The following DRGX variants were observed in gnomAD, a reference collection of about 807,000 sequenced individuals.
The protein encoded by DRGX is dorsal root ganglia homeobox, also known as dorsal root ganglia homeobox protein.
Under a neutral mutation model 28.6 loss-of-function variants are expected in DRGX, and 21 were observed. That is an observed-to-expected ratio of 0.73 (90% CI 0.52 to 1.06). The LOEUF is 1.06. DRGX is among the 50% of genes least tolerant of loss of function. The probability of loss-of-function intolerance (pLI) is 0.00; values close to 1 mark genes in which losing one functional copy is unlikely to be tolerated. For missense variants in DRGX, 354 were observed against 343.9 expected (o/e 1.03, Z -0.23); for synonymous variants, 136 against 139.1 (o/e 0.98, Z 0.16).
intron 6 of DRGX, among the ~76,000 whole-genome samples, chr10:49,378,171 T>C (rs1849735675): frequency 6.6e-6 from 1 of 152,140 alleles, no homozygotes; most frequent in Admixed American, 6.5e-5. Context: ...TCATTAATAT[T>C]AGTAATTTTT....
chr10:49,395,265 TC>T, intron 2 of DRGX, 141 bp downstream of exon 2: 2 of 992,176 alleles, frequency 2.0e-6, no homozygotes, highest in Non-Finnish European at 3.0e-6. Flanking sequence ...TAGGGAGGGG[TC>T]CAGGGAGGCC....
At chr10:49,385,573 C>CTG (rs146513497) in intron 6 of DRGX, among the ~76,000 whole-genome samples, 214 of 151,032 alleles carry the variant, frequency 1.4e-3, no homozygotes, top group African/African-American at 4.0e-3. Context: ...GATTGCCACA[C>CTG]TGTGTGTGTG....
At chr10:49,367,228 T>C (rs1247725153) in intron 6 of DRGX, among the ~76,000 whole-genome samples, 1 of 152,040 alleles carries the variant, frequency 6.6e-6, no homozygotes, top group East Asian at 1.9e-4. Context: ...CCAGGCATCA[T>C]GGTATGTGCC....
intron 1 of DRGX, 60 bp from the exon 2 acceptor site, chr10:49,395,581 C>T: frequency 3.0e-6 from 3 of 1,005,998 alleles, no homozygotes; most frequent in Non-Finnish European, 4.4e-6. Flanking sequence ...CCGCCCAGCC[C>T]TAGGGCGCAC....
At chr10:49,377,813 A>T (rs1330919430) in intron 6 of DRGX, among the ~76,000 whole-genome samples, 1 of 152,366 alleles carries the variant, frequency 6.6e-6, no homozygotes, top group East Asian at 1.9e-4. Flanking sequence ...CCTCAGAATG[A>T]TGAGAGATAA....
intron 4 of DRGX, among the ~76,000 whole-genome samples, chr10:49,388,043 G>A (rs1325215628): frequency 2.0e-5 from 3 of 152,274 alleles, no homozygotes; most frequent in East Asian, 3.9e-4. Flanking sequence ...CAGTAAACAC[G>A]TACTCATGTC....
At chr10:49,373,712 G>A (rs1356048546) in intron 6 of DRGX, among the ~76,000 whole-genome samples, 1 of 152,182 alleles carries the variant, frequency 6.6e-6, no homozygotes, top group Non-Finnish European at 1.5e-5. Flanking sequence ...CTCCAGAACT[G>A]TGAGAAATAA....
chr10:49,386,594 G>T lies in DRGX; in HGVS notation c.414-4C>A. The T allele has an allele frequency of 6.3e-7, 1 of 1,593,570 alleles. No individual in the cohort carries two copies. The highest frequency in any genetic ancestry group is 8.5e-7 in the Non-Finnish European group (1 of 1,170,162). ...AGGACCTACCGTTCGCCCCAGGCTG[G>T]CAAAGGAAGGAGATCATATTGAGGT... On this transcript the variant is annotated splice_polypyrimidine_tract_variant and splice_region_variant and intron_variant, in intron 5 of 6. Coordinates refer to ENST00000374139, the MANE Select transcript of DRGX (RefSeq NM_001276451.2).
intron 6 of DRGX, among the ~76,000 whole-genome samples, chr10:49,368,954 G>A (rs1682035890): frequency 6.6e-6 from 1 of 152,202 alleles, no homozygotes; most frequent in African/African-American, 2.4e-5. Flanking sequence ...GCTTAGCCCT[G>A]GGTAGCTGGC....
At chr10:49,385,581 GTGTGTGTGTA>G (rs1849823344) in intron 6 of DRGX, among the ~76,000 whole-genome samples, 1 of 152,188 alleles carries the variant, frequency 6.6e-6, no homozygotes, top group Non-Finnish European at 1.5e-5. Flanking sequence ...CACTGTGTGT[GTGTGTGTGTA>G]TGTGTGTGTC....
At chr10:49,379,809 C>T (rs148510355) in intron 6 of DRGX, among the ~76,000 whole-genome samples, 365 of 152,354 alleles carry the variant, frequency 2.4e-3, no homozygotes, top group African/African-American at 8.1e-3. Context: ...GCCTGCACCA[C>T]GCGGGGCACT....
chr10:49,368,346 G>A (rs1404833584), intron 6 of DRGX, among the ~76,000 whole-genome samples: 1 of 152,252 alleles, frequency 6.6e-6, no homozygotes, highest in Admixed American at 6.5e-5. Context: ...GTAGGCAGCA[G>A]ATACCAAGAT....
chr10:49,378,954 A>G (rs2132476472), intron 6 of DRGX, among the ~76,000 whole-genome samples: 1 of 152,338 alleles, frequency 6.6e-6, no homozygotes, highest in Middle Eastern at 3.4e-3. Context: ...AGTCAAGACT[A>G]TAGATTGAGC....
rs544278098 is a variant in DRGX at position 49,390,736 on chromosome 10, C to G, written c.132+428G>C. On this transcript the variant is annotated intron_variant, in intron 3 of 6. Transcript: ENST00000374139. ...GGAAAAAGCCCAGCTCTGGGAAACA[C>G]AGTATCAAGGTCCCAGTTGTAGCCC... Among the ~76,000 whole-genome samples, 92 of 152,304 alleles carry G rather than the reference C, an allele frequency of 6.0e-4. 1 individual carries two copies. The highest frequency in any genetic ancestry group is 2.2e-3 in the African/African-American group (90 of 41,578).
At chr10:49,389,711 A>G (rs866108973) in intron 4 of DRGX, among the ~76,000 whole-genome samples, 5 of 152,284 alleles carry the variant, frequency 3.3e-5, no homozygotes, top group South Asian at 2.1e-4. Context: ...GACATGATGC[A>G]ATTTCTGGAA....
chr10:49,375,017 C>A (rs781119144), intron 6 of DRGX, among the ~76,000 whole-genome samples: 4 of 152,192 alleles, frequency 2.6e-5, no homozygotes, highest in Non-Finnish European at 4.4e-5. Flanking sequence ...TTATAGTTCA[C>A]AAGGAGAGTT....
chr10:49,381,325 G>A (rs1407193598), intron 6 of DRGX, among the ~76,000 whole-genome samples: 1 of 152,190 alleles, frequency 6.6e-6, no homozygotes, highest in Non-Finnish European at 1.5e-5. Flanking sequence ...ACTCCACCTG[G>A]CCAGCCTCAT....
chr10:49,371,617 C>T (rs1331617664), intron 6 of DRGX, among the ~76,000 whole-genome samples: 1 of 151,868 alleles, frequency 6.6e-6, no homozygotes, highest in Non-Finnish European at 1.5e-5. Context: ...CATGGTGAAA[C>T]CCCATCTGTA....
intron 6 of DRGX, among the ~76,000 whole-genome samples, chr10:49,385,856 G>C (rs1404061635): frequency 1.3e-5 from 2 of 152,106 alleles, no homozygotes; most frequent in Non-Finnish European, 2.9e-5. Flanking sequence ...TGAAGGAATA[G>C]GTTTGGGGCC....
Sources: gnomAD v4.1 joint callset for allele counts (sites outside exome capture counted in the v4.1 genomes callset) on GRCh38, gnomAD v4.1.1 for gene constraint, MANE v1.5 for transcripts, NCBI Gene and HGNC (gene_info 2026-07-23, HGNC 2026-07-21) for gene names.